The following DNMT1 variants were observed in gnomAD, a reference collection of about 807,000 sequenced individuals.
DNMT1 encodes DNA (cytosine-5)-methyltransferase 1.
Under a neutral mutation model 205.3 loss-of-function variants are expected in DNMT1, and 24 were observed. That is an observed-to-expected ratio of 0.12 (90% CI 0.08 to 0.16). DNMT1 has a LOEUF of 0.16. Among genes scored for constraint, DNMT1 ranks in the 10% least tolerant of loss-of-function variants. The probability of loss-of-function intolerance (pLI) is 1.00; values close to 1 mark genes in which losing one functional copy is unlikely to be tolerated. For synonymous variants in DNMT1, 817 were observed against 839.8 expected (o/e 0.97, Z 0.47); for missense variants, 1,293 against 2,177.7 (o/e 0.59, Z 8.09).
chr19:10,157,554 C>T lies in DNMT1; in HGVS notation c.1281-1045G>A, dbSNP rs78859471. On this transcript the variant is annotated intron_variant, in intron 17 of 40. Transcript: ENST00000359526. ...CATCTAGACAAGGACCACCCTTTCC[C>T]GGCCAAAGATGCTGGGCTATCCTCA... 6.6e-3 allele frequency among the ~76,000 whole-genome samples: 1,004 copies of T among 152,268 alleles called. 10 individuals are homozygous for T. Among genetic ancestry groups the T allele is most frequent in the African/African-American group, 0.023 (940 of 41,554 alleles).
chr19:10,159,176 CA>C lies in DNMT1; in HGVS notation c.1280+481del, dbSNP rs2038516491. 6.6e-6 allele frequency among the ~76,000 whole-genome samples: 1 copy of C among 152,104 alleles called. No individual in the cohort carries two copies. The highest frequency in any genetic ancestry group is 2.4e-5 in the African/African-American group (1 of 41,414). ...ATGTGTAGTGTAAAAACCCAAAAAC[CA>C]AACCAAAAATCAGCAAAGCTCTATT... is the stretch of plus-strand genomic sequence containing the variant. On this transcript the variant is annotated intron_variant, in intron 17 of 40. Coordinates refer to ENST00000359526, the MANE Select transcript of DNMT1 (RefSeq NM_001130823.3). This position sits in a 1 kb window ranked among gnomAD's most constrained non-coding sequence, Gnocchi z 5.0.
chr19:10,142,249 C>A (rs374450653), intron 29 of DNMT1, 29 bp from the exon 30 acceptor site: 12 of 1,613,590 alleles, frequency 7.4e-6, no homozygotes, highest in Non-Finnish European at 9.3e-6. Context: ...TCGTTAGGAG[C>A]TCTCCTTTGT....
In DNMT1 at chr19:10,173,563, A is replaced by G. The variant is rs1369639836; in HGVS notation, c.683+308T>C. On this transcript the variant is annotated intron_variant, in intron 8 of 40. Transcript: ENST00000359526. ...CTGGAGTGCAGTGGAATGATCTCAG[A>G]TCACTGCAGCCTCTACCTCCTGGGT... is the stretch of plus-strand genomic sequence containing the variant. Among the ~76,000 whole-genome samples the G allele has an allele frequency of 4.6e-5, 7 of 150,984 alleles. No individual in the cohort carries two copies. The Admixed American group carries it at 4.7e-4, about 10-fold the overall frequency.
intron 27 of DNMT1, among the ~76,000 whole-genome samples, chr19:10,147,655 T>A (rs2038227968): frequency 6.6e-6 from 1 of 152,012 alleles, no homozygotes; most frequent in Admixed American, 6.6e-5. Context: ...AAGCCAAAGC[T>A]AGCACGAGAC....
Position 10,159,823 on chromosome 19 carries a change from G to A in DNMT1, c.1170+19C>T. 6.2e-7 allele frequency: 1 copy of A among 1,614,198 alleles called. No homozygotes were observed. Among genetic ancestry groups the A allele is most frequent in the Non-Finnish European group, 8.5e-7 (1 of 1,180,036 alleles). On this transcript the variant is annotated intron_variant, in intron 16 of 40. Coordinates refer to ENST00000359526, the MANE Select transcript of DNMT1 (RefSeq NM_001130823.3). This position sits in a 1 kb window ranked among gnomAD's most constrained non-coding sequence, Gnocchi z 5.0. ...ACAAGGGACAGGCAGAGGAAGGCTG[G>A]GAAGAGAGCTGTACGTACCGCGTCT...
intron 27 of DNMT1, among the ~76,000 whole-genome samples, chr19:10,148,495 C>CA (rs1222064600): frequency 0.025 from 1,456 of 57,890 alleles, 15 homozygotes; most frequent in Non-Finnish European, 0.032. Flanking sequence ...GACTCCGTCT[C>CA]AAAAAAAAAA....
intron 22 of DNMT1, among the ~76,000 whole-genome samples, chr19:10,153,494 G>A (rs1435394253): frequency 6.6e-6 from 1 of 151,842 alleles, no homozygotes; most frequent in African/African-American, 2.4e-5. Context: ...AAAATTAGCC[G>A]GGTATGGTGG....
At chr19:10,134,550 G>T (rs997895717) in intron 39 of DNMT1, among the ~76,000 whole-genome samples, 16 of 152,246 alleles carry the variant, frequency 1.1e-4, no homozygotes, top group Admixed American at 2.6e-4. Flanking sequence ...GCTTCAGAAA[G>T]ACTTGAGACA....
chr19:10,178,117 C>T (rs2038970313), intron 5 of DNMT1, among the ~76,000 whole-genome samples: 1 of 151,638 alleles, frequency 6.6e-6, no homozygotes, highest in African/African-American at 2.4e-5. Flanking sequence ...ATTAGCTGGG[C>T]GTGGTGGCAC....
In DNMT1 at chr19:10,159,106, T is replaced by C. The variant is rs977337502; in HGVS notation, c.1280+552A>G. ...GTACCTAGCACAGAGTAGGCCTTCATCTGAGCGTGTGACCCTCAGGATGTG... is the reference window on the plus strand; with the variant it reads ...GTACCTAGCACAGAGTAGGCCTTCACCTGAGCGTGTGACCCTCAGGATGTG... On this transcript the variant is annotated intron_variant, in intron 17 of 40. Transcript: ENST00000359526. This position sits in a 1 kb window ranked among gnomAD's most constrained non-coding sequence, Gnocchi z 5.0. Among the ~76,000 whole-genome samples the C allele has an allele frequency of 7.9e-5, 12 of 152,116 alleles. No homozygotes were observed. The highest frequency in any genetic ancestry group is 2.9e-4 in the African/African-American group (12 of 41,430).
Position 10,191,929 on chromosome 19 carries a change from A to C in DNMT1, c.80+2891T>G, listed in dbSNP as rs541076450. Among the ~76,000 whole-genome samples the C allele has an allele frequency of 3.2e-4, 48 of 151,798 alleles. No homozygotes were observed. The South Asian group carries it at 9.8e-3, about 31-fold the overall frequency. On this transcript the variant is annotated intron_variant, in intron 1 of 40. Coordinates refer to ENST00000359526, the MANE Select transcript of DNMT1 (RefSeq NM_001130823.3). ...TCTCGGCTCCTGGGTTCAAGCGATT[A>C]TCCTGCCTCAGCCTCCCGAGTAGCT...
intron 11 of DNMT1, among the ~76,000 whole-genome samples, chr19:10,165,871 G>T (rs1443433977): frequency 6.6e-6 from 1 of 152,156 alleles, no homozygotes; most frequent in African/African-American, 2.4e-5. Flanking sequence ...CAATACCAAA[G>T]GCTCCCCTGC....
rs753317712 is a variant in DNMT1, at chr19:10,159,911, G to A, written c.1101C>T (p.Pro367=). The A allele has an allele frequency of 3.7e-6, 6 of 1,614,076 alleles. No individual in the cohort carries two copies. Among genetic ancestry groups the A allele is most frequent in the East Asian group, 2.2e-5 (1 of 44,894 alleles). ...GGTACTGCCCGCACTGAATGCACTT[G>A]GGAGGGTGGGTCTGTGGGAGCAGGA... is the stretch of plus-strand genomic sequence containing the variant. ...KTVMNSKTHP[P]KCIQCGQYLD... The change falls in exon 16 of 41, where the codon CCC becomes CCT. Residue 367 remains proline, a synonymous_variant. Transcript: ENST00000359526. The surrounding 1 kb of genome is among the most constrained non-coding windows in gnomAD (Gnocchi z 5.0).
chr19:10,177,478 C>T, intron 5 of DNMT1, 111 bp from the exon 6 acceptor site: 1 of 1,022,766 alleles, frequency 9.8e-7, no homozygotes, highest in Non-Finnish European at 1.4e-6. Flanking sequence ...AAGCCAGGTT[C>T]TAAGGACTAA....
At chr19:10,166,392 CACT>C (rs1397283729) in intron 11 of DNMT1, among the ~76,000 whole-genome samples, 2 of 152,118 alleles carry the variant, frequency 1.3e-5, no homozygotes, top group African/African-American at 2.4e-5. Flanking sequence ...ACTGAGTGTT[CACT>C]AGGCATCCAG....
intron 39 of DNMT1, among the ~76,000 whole-genome samples, 178 bp from the exon 40 acceptor site, chr19:10,134,485 CT>C (rs1476090150): frequency 6.6e-6 from 1 of 152,250 alleles, no homozygotes; most frequent in Non-Finnish European, 1.5e-5. Context: ...TCCTTGGACC[CT>C]CCAACTGGCC....
chr19:10,162,635 A>G (rs1216445451), intron 13 of DNMT1, 32 bp downstream of exon 13: 2 of 1,572,896 alleles, frequency 1.3e-6, no homozygotes, highest in African/African-American at 1.4e-5. Context: ...AAAAAAAAAA[A>G]AAAAAGAAAG....
chr19:10,180,391 G>T lies in DNMT1; in HGVS notation c.404C>A (p.Pro135His), dbSNP rs1361938846. 4 of 1,613,896 alleles carry T rather than the reference G, an allele frequency of 2.5e-6. No homozygotes were observed. The South Asian group carries it at 4.4e-5, about 18-fold the overall frequency. The change falls in exon 4 of 41, where the codon CCT (proline) becomes CAT (histidine). Residue 135 changes from proline (P) to histidine (H), a missense_variant. By Grantham distance (77) the Pro-to-His change is moderately conservative. Transcript: ENST00000359526. ...ANSPPKPLSK[P>H]RTPRRSKSDG... ...GGACTTGCTCCTCCTGGGCGTGCGA[G>T]GTTTGGAAAGGGGTTTGGGGGGGCT...
chr19:10,169,898 T>C (rs1433741555), intron 9 of DNMT1, among the ~76,000 whole-genome samples: 1 of 152,212 alleles, frequency 6.6e-6, no homozygotes, highest in African/African-American at 2.4e-5. Context: ...ACTAGCCCGT[T>C]AGGACTGCTT....
Sources: allele counts gnomAD v4.1 joint callset (sites outside exome capture counted in the v4.1 genomes callset), GRCh38; gene constraint gnomAD v4.1.1; non-coding constraint Gnocchi (gnomAD v3.1); transcripts MANE v1.5; gene names NCBI Gene and HGNC (gene_info 2026-07-23, HGNC 2026-07-21).